EIF2B3: variants seen among roughly 807,000 people sequenced by gnomAD.
The protein encoded by EIF2B3 is translation initiation factor eIF2B subunit gamma.
In EIF2B3, 20 loss-of-function variants were observed where a neutral mutation model predicts 54.1. The observed-to-expected ratio is 0.37, with a 90% confidence interval of 0.26 to 0.54. The LOEUF (loss-of-function observed/expected upper bound fraction) is 0.54. EIF2B3 is among the 20% of genes least tolerant of loss of function. The pLI is 0.86. For synonymous variants in EIF2B3, 153 were observed against 188.1 expected (o/e 0.81, Z 1.52); for missense variants, 448 against 547.8 (o/e 0.82, Z 1.82).
intron 6 of EIF2B3, among the ~76,000 whole-genome samples, chr1:44,884,175 C>T (rs1655502378): frequency 6.6e-6 from 1 of 152,124 alleles, no homozygotes; most frequent in Non-Finnish European, 1.5e-5. Flanking sequence ...GTGACATGAA[C>T]AGTTTTATCT....
chr1:44,910,615 A>AC (rs1256160698), intron 5 of EIF2B3, among the ~76,000 whole-genome samples: 2 of 62,434 alleles, frequency 3.2e-5, no homozygotes, highest in Admixed American at 1.7e-4. Context: ...ATCCCTCCCC[A>AC]CCCCCCCAAG....
At chr1:44,961,249 C>T (rs568614213) in intron 3 of EIF2B3, among the ~76,000 whole-genome samples, 8 of 145,274 alleles carry the variant, frequency 5.5e-5, no homozygotes, top group South Asian at 4.4e-4. Flanking sequence ...CCCAGGAAGA[C>T]GAGGCTGCAG....
chr1:44,919,654 G>GTT (rs1643696217), intron 5 of EIF2B3, among the ~76,000 whole-genome samples: 1 of 149,154 alleles, frequency 6.7e-6, no homozygotes, highest in Non-Finnish European at 1.5e-5. Context: ...GTGTACATGT[G>GTT]TTAGCCTGGA....
intron 3 of EIF2B3, 148 bp from the exon 4 acceptor site, chr1:44,941,813 G>A: frequency 1.0e-6 from 1 of 960,856 alleles, no homozygotes; most frequent in Non-Finnish European, 1.6e-6. Context: ...AAAATAAATG[G>A]GGTTGTTCTC....
chr1:44,983,923 G>A (rs1213721435), intron 1 of EIF2B3, among the ~76,000 whole-genome samples: 1 of 151,484 alleles, frequency 6.6e-6, no homozygotes, highest in African/African-American at 2.4e-5. Context: ...GGCCAGGCTG[G>A]TCTTGAACTC....
At chr1:44,911,065 G>A (rs263966) in intron 5 of EIF2B3, among the ~76,000 whole-genome samples, 72,479 of 151,930 alleles carry the variant, frequency 0.48, 18,084 homozygotes, top group African/African-American at 0.62. Context: ...CTCACTAGGA[G>A]CTAACCTCCA....
chr1:44,866,372 G>A (rs1177243345), intron 10 of EIF2B3, among the ~76,000 whole-genome samples: 1 of 151,062 alleles, frequency 6.6e-6, no homozygotes, highest in Non-Finnish European at 1.5e-5. Flanking sequence ...CACTCCAGCC[G>A]GGGTGACAGA....
chr1:44,944,268 C>T (rs1416788975), intron 3 of EIF2B3, among the ~76,000 whole-genome samples: 1 of 152,082 alleles, frequency 6.6e-6, no homozygotes, highest in African/African-American at 2.4e-5. Context: ...AAGGCAGCTC[C>T]TCTTTTATTA....
chr1:44,916,561 C>T (rs113318137), intron 5 of EIF2B3, among the ~76,000 whole-genome samples: 21,542 of 147,278 alleles, frequency 0.15, 1,719 homozygotes, highest in Non-Finnish European at 0.17. Context: ...TGGCTCACTC[C>T]TGTAATCCCA....
At chr1:44,961,847 T>C (rs1402846922) in intron 3 of EIF2B3, among the ~76,000 whole-genome samples, 1 of 152,164 alleles carries the variant, frequency 6.6e-6, no homozygotes, top group East Asian at 1.9e-4. Flanking sequence ...TCTACCTCTC[T>C]TATGAAAGCC....
chr1:44,984,235 A>G (rs1644545538), intron 1 of EIF2B3, among the ~76,000 whole-genome samples: 1 of 151,924 alleles, frequency 6.6e-6, no homozygotes, highest in African/African-American at 2.4e-5. Flanking sequence ...ACAGTGGCTC[A>G]TGCTCCCAGC....
rs1212714551 is a variant in EIF2B3, at chr1:44,943,014, C to A, written c.295-1349G>T. 2.0e-5 allele frequency among the ~76,000 whole-genome samples: 3 copies of A among 152,044 alleles called. No homozygotes were observed. The East Asian group carries it at 5.8e-4, about 30-fold the overall frequency. ...GGGACTACAGGCGCCCGCCACCACGCCCGGCTAATTTTTTTTGTGTTTTTA... is the reference window on the plus strand; with the variant it reads ...GGGACTACAGGCGCCCGCCACCACGACCGGCTAATTTTTTTTGTGTTTTTA... On this transcript the variant is annotated intron_variant, in intron 3 of 11. Transcript: ENST00000360403.
intron 10 of EIF2B3, chr1:44,863,193 T>C (rs1010329484): frequency 6.6e-6 from 1 of 152,112 alleles, no homozygotes; most frequent in Non-Finnish European, 1.5e-5. Flanking sequence ...AAACTGAAGA[T>C]ATGTGTAGCT....
chr1:44,894,992 T>A (rs1655919278), intron 6 of EIF2B3, among the ~76,000 whole-genome samples: 1 of 152,200 alleles, frequency 6.6e-6, no homozygotes, highest in Non-Finnish European at 1.5e-5. Context: ...GTAAAGACTG[T>A]CCCTCAAGTA....
intron 10 of EIF2B3, among the ~76,000 whole-genome samples, chr1:44,872,762 C>G (rs1445234351): frequency 6.6e-6 from 1 of 152,144 alleles, no homozygotes; most frequent in African/African-American, 2.4e-5. Flanking sequence ...CTTTCCTGAC[C>G]CTTTCCTCCC....
chr1:44,956,599 T>C (rs971630651), intron 3 of EIF2B3, among the ~76,000 whole-genome samples: 2 of 152,084 alleles, frequency 1.3e-5, no homozygotes, highest in African/African-American at 2.4e-5. Context: ...AATTTAAAAA[T>C]ATGATCAATA....
In EIF2B3 at chr1:44,880,082, G is replaced by GT. The variant is rs905685207; in HGVS notation, c.785-75dup. On this transcript the variant is annotated intron_variant, in intron 7 of 11. Transcript: ENST00000360403. ...GAACAGATACAGACTCAGTCAAGTT[G>GT]TTTTTTTGTTTATTTAAGAGACGAG... 39 of 1,528,570 alleles carry GT rather than the reference G, an allele frequency of 2.6e-5. No homozygotes were observed. In the African/African-American group the frequency reaches 4.1e-4, roughly 16 times the overall value. 94.7% of individuals were successfully genotyped at this position (1,528,570 alleles called of 1,614,324 possible).
At chr1:44,932,009 G>C (rs533110052) in intron 4 of EIF2B3, among the ~76,000 whole-genome samples, 12 of 152,248 alleles carry the variant, frequency 7.9e-5, no homozygotes, top group African/African-American at 2.9e-4. Flanking sequence ...CTACTTGGGA[G>C]GTTGAAGCAG....
At chr1:44,877,192 T>TAACAAA (rs1655197683) in intron 8 of EIF2B3, among the ~76,000 whole-genome samples, 1 of 52,056 alleles carries the variant, frequency 1.9e-5, no homozygotes, top group Non-Finnish European at 3.5e-5. Context: ...GAATGATCAA[T>TAACAAA]AAAAAAAAAA....
Sources: allele counts gnomAD v4.1 joint callset (sites outside exome capture counted in the v4.1 genomes callset), GRCh38; gene constraint gnomAD v4.1.1; transcripts MANE v1.5; gene names NCBI Gene and HGNC (gene_info 2026-07-23, HGNC 2026-07-21).